The following SCHIP1 variants were observed in gnomAD, a reference collection of about 807,000 sequenced individuals.
SCHIP1 encodes schwannomin-interacting protein 1.
Under a neutral mutation model 29.7 loss-of-function variants are expected in SCHIP1, and 8 were observed. That is an observed-to-expected ratio of 0.27 (90% CI 0.16 to 0.49). The LOEUF (loss-of-function observed/expected upper bound fraction) is 0.49. Ranked by LOEUF, SCHIP1 falls within the 20% of genes least tolerant of loss-of-function variation. SCHIP1 has a pLI of 0.99. For missense variants in SCHIP1, 193 were observed against 294.6 expected, an observed-to-expected ratio of 0.66 and a Z score of 2.52; for synonymous variants, 76 against 94.9, an observed-to-expected ratio of 0.80 and a Z score of 1.16.
the SCHIP1 span, among the ~76,000 whole-genome samples, chr3:159,560,323 T>A: frequency 2.6e-5 from 4 of 152,212 alleles, no homozygotes; most frequent in African/African-American, 9.6e-5. Flanking sequence ...GAGTTACTAT[T>A]GAATTGTGCT....
At chr3:159,428,508 A>T in the SCHIP1 span, among the ~76,000 whole-genome samples, 7 of 152,322 alleles carry the variant, frequency 4.6e-5, no homozygotes, top group South Asian at 1.2e-3. Context: ...ACCATCTCAC[A>T]CCAGTTAGAA....
chr3:159,545,323 T>A, the SCHIP1 span, among the ~76,000 whole-genome samples: 2 of 151,962 alleles, frequency 1.3e-5, no homozygotes, highest in African/African-American at 2.4e-5. Context: ...AACTTTAATT[T>A]GAGTGGGCAC....
chr3:159,474,070 A>G, the SCHIP1 span, among the ~76,000 whole-genome samples: 2 of 152,106 alleles, frequency 1.3e-5, no homozygotes, highest in African/African-American at 2.4e-5. Context: ...GCTATTTCTT[A>G]TCTTTTTATT....
At chr3:159,815,854 C>T in the SCHIP1 span, among the ~76,000 whole-genome samples, 8 of 152,086 alleles carry the variant, frequency 5.3e-5, no homozygotes, top group African/African-American at 1.9e-4. Context: ...AATCACTCCC[C>T]TTCCCATCCC....
chr3:159,317,020 GT>G, the SCHIP1 span, among the ~76,000 whole-genome samples: 1 of 152,140 alleles, frequency 6.6e-6, no homozygotes, highest in South Asian at 2.1e-4. Flanking sequence ...GTTCTTCCTG[GT>G]GGAGTAACCT....
chr3:159,836,087 C>T (rs1279939886), upstream of SCHIP1, among the ~76,000 whole-genome samples: 2 of 152,180 alleles, frequency 1.3e-5, no homozygotes, highest in African/African-American at 4.8e-5. Flanking sequence ...TCAGTTGGCT[C>T]AGTCAAAAGG....
At chr3:159,640,425 C>T in the SCHIP1 span, among the ~76,000 whole-genome samples, 1 of 152,090 alleles carries the variant, frequency 6.6e-6, no homozygotes, top group Non-Finnish European at 1.5e-5. Context: ...TGGTGACTTG[C>T]GTAATCCTCT....
At chr3:159,570,757 T>C in the SCHIP1 span, among the ~76,000 whole-genome samples, 1 of 152,226 alleles carries the variant, frequency 6.6e-6, no homozygotes, top group Non-Finnish European at 1.5e-5. Flanking sequence ...TTTCCCAACA[T>C]TGATTCTTCG....
the SCHIP1 span, among the ~76,000 whole-genome samples, chr3:159,821,330 A>G: frequency 6.6e-6 from 1 of 152,182 alleles, no homozygotes; most frequent in African/African-American, 2.4e-5. Flanking sequence ...GTGGGAGTAA[A>G]CAGACAGGGA....
the SCHIP1 span, among the ~76,000 whole-genome samples, chr3:159,568,729 A>G: frequency 1.3e-5 from 2 of 152,114 alleles, no homozygotes; most frequent in African/African-American, 4.8e-5. Flanking sequence ...TGTGTCTCCA[A>G]TAGATCAAGG....
At chr3:159,300,811 G>T in the SCHIP1 span, among the ~76,000 whole-genome samples, 5 of 152,046 alleles carry the variant, frequency 3.3e-5, no homozygotes, top group African/African-American at 7.2e-5. Context: ...CCTCTGTGGG[G>T]TTAATTCGCT....
chr3:159,728,008 T>G, the SCHIP1 span, among the ~76,000 whole-genome samples: 355 of 147,308 alleles, frequency 2.4e-3, 1 homozygote, highest in Middle Eastern at 3.7e-3. Flanking sequence ...TTTTGTTTTT[T>G]TTTTTTTTAA....
chr3:159,652,798 AT>A, the SCHIP1 span, among the ~76,000 whole-genome samples: 2 of 152,170 alleles, frequency 1.3e-5, no homozygotes, highest in African/African-American at 4.8e-5. Context: ...AAAATTGACC[AT>A]TTAGGACTAG....
chr3:159,843,001 CTT>C (rs566940351), intron 1 of SCHIP1, among the ~76,000 whole-genome samples: 255 of 63,646 alleles, frequency 4.0e-3, no homozygotes, highest in Middle Eastern at 0.014. Context: ...ATATTTCTTT[CTT>C]TTTTTTTTTT....
At chr3:159,347,874 AG>A in the SCHIP1 span, among the ~76,000 whole-genome samples, 1 of 152,190 alleles carries the variant, frequency 6.6e-6, no homozygotes, top group Non-Finnish European at 1.5e-5. Context: ...TTTCAAAAAA[AG>A]ATGTCATTTT....
At chr3:159,818,320 A>G in the SCHIP1 span, among the ~76,000 whole-genome samples, 4 of 152,254 alleles carry the variant, frequency 2.6e-5, no homozygotes, top group Non-Finnish European at 5.9e-5. Flanking sequence ...TAGACTTTAA[A>G]GTGGGGACAA....
chr3:159,472,880 T>C, the SCHIP1 span, among the ~76,000 whole-genome samples: 1 of 152,302 alleles, frequency 6.6e-6, no homozygotes, highest in Admixed American at 6.5e-5. Flanking sequence ...GAATCACATA[T>C]GTGGAGTCAC....
the SCHIP1 span, among the ~76,000 whole-genome samples, chr3:159,477,929 T>C: frequency 2.0e-5 from 3 of 147,410 alleles, no homozygotes; most frequent in East Asian, 5.9e-4. Flanking sequence ...TCTTTTTTTT[T>C]TTTTTTTTTT....
chr3:159,627,108 T>C, the SCHIP1 span, among the ~76,000 whole-genome samples: 1 of 152,138 alleles, frequency 6.6e-6, no homozygotes, highest in Non-Finnish European at 1.5e-5. Context: ...CAACTCCCAC[T>C]TATGCATGAG....
Sources: allele counts gnomAD v4.1 joint callset (sites outside exome capture counted in the v4.1 genomes callset), GRCh38; gene constraint gnomAD v4.1.1; transcripts MANE v1.5; gene names NCBI Gene and HGNC (gene_info 2026-07-23, HGNC 2026-07-21).